CNTLN: variants seen among roughly 807,000 people sequenced by gnomAD.
CNTLN encodes the protein centlein.
CNTLN carries 212 observed loss-of-function variants against 180.0 expected under a neutral mutation model. The ratio of observed to expected loss-of-function variants is 1.18; its 90% CI spans 1.05 to 1.32. The LOEUF (loss-of-function observed/expected upper bound fraction) is 1.32, where lower values mean the gene tolerates loss of function less well. CNTLN is among the 40% of genes most tolerant of loss of function. The pLI, the probability that CNTLN is intolerant of heterozygous loss-of-function variation, is 0.00. For missense variants in CNTLN, 2,095 were observed against 1,610.9 expected (o/e 1.30, Z -5.14); for synonymous variants, 722 against 563.1 (o/e 1.28, Z -3.99).
chr9:17,421,435 C>CT (rs940511149), intron 18 of CNTLN, among the ~76,000 whole-genome samples: 3 of 151,812 alleles, frequency 2.0e-5, no homozygotes, highest in Admixed American at 6.6e-5. Context: ...TTTTCTATCC[C>CT]TTTATTTTCA....
At chr9:17,508,458 T>C (rs1362370979), downstream of CNTLN, among the ~76,000 whole-genome samples, 1 of 152,130 alleles carries the variant, frequency 6.6e-6, no homozygotes, top group Non-Finnish European at 1.5e-5. Flanking sequence ...CGTTGGAGTG[T>C]TTTTAGGACA....
chr9:17,174,269 G>C (rs184730325), intron 2 of CNTLN, among the ~76,000 whole-genome samples: 1 of 152,240 alleles, frequency 6.6e-6, no homozygotes, highest in African/African-American at 2.4e-5. Context: ...TCCAGTTTTT[G>C]ACTATTATGA....
At chr9:17,335,023 G>A (rs1820911123) in intron 10 of CNTLN, among the ~76,000 whole-genome samples, 3 of 152,108 alleles carry the variant, frequency 2.0e-5, no homozygotes, top group Admixed American at 6.6e-5. Context: ...AGCTGATGGT[G>A]TAAGTTCAAG....
At chr9:17,363,193 G>A (rs769646116) in intron 12 of CNTLN, among the ~76,000 whole-genome samples, 29 of 152,228 alleles carry the variant, frequency 1.9e-4, no homozygotes, top group African/African-American at 3.4e-4. Flanking sequence ...ATACAAGTGC[G>A]TGTGCCTTTA....
intron 5 of CNTLN, among the ~76,000 whole-genome samples, chr9:17,270,702 A>G (rs1827871048): frequency 6.6e-6 from 1 of 152,052 alleles, no homozygotes. Context: ...TTACCTTTAA[A>G]CCTTTAGGAC....
intron 2 of CNTLN, among the ~76,000 whole-genome samples, chr9:17,215,176 T>C (rs1347280548): frequency 2.0e-5 from 3 of 152,242 alleles, no homozygotes; most frequent in Admixed American, 6.5e-5. Flanking sequence ...TTCCCCATCT[T>C]TGTAGTTTTA....
At position 17,223,078 on chromosome 9, in the gene CNTLN, C is replaced by T. The variant is rs77109155; in HGVS notation, c.450-3125C>T. On this transcript the variant is annotated intron_variant, in intron 2 of 25. Coordinates refer to ENST00000380647, the MANE Select transcript of CNTLN (RefSeq NM_017738.4). ...TATGTACACTACGTTTTTTCCTACA[C>T]GGTAATAGGCAGGTTGTGTTTATAG... Among the ~76,000 whole-genome samples the T allele has an allele frequency of 1.6e-3, 236 of 152,062 alleles. 1 individual carries two copies. The highest frequency in any genetic ancestry group is 5.5e-3 in the African/African-American group (228 of 41,524).
intron 8 of CNTLN, among the ~76,000 whole-genome samples, chr9:17,312,319 T>C (rs1819186327): frequency 7.2e-6 from 1 of 139,332 alleles, no homozygotes; most frequent in Non-Finnish European, 1.6e-5. Flanking sequence ...TGGTCACAGG[T>C]AGTACTCGAT....
rs138152539 is a variant in CNTLN, at chr9:17,394,804, T to C, written c.2350T>C (p.Leu784=). 2.0e-4 allele frequency: 325 copies of C among 1,613,838 alleles called. No homozygotes were observed. In the African/African-American group the frequency reaches 3.6e-3, roughly 18 times the overall value. ...GAGACAAGTGGCAGAAGCTAATGCA[T>C]TGAGAAATGAAAATGAAGAGCTGAT... ...LRRQVAEANA[L]RNENEELINP... is the part of the protein sequence containing the mutation. Residue 784 remains leucine (L), a synonymous_variant, in exon 15 of 26, where the codon TTG becomes CTG. Transcript: ENST00000380647.
intron 16 of CNTLN, among the ~76,000 whole-genome samples, 188 bp downstream of exon 16, chr9:17,409,661 A>G (rs1416689277): frequency 1.3e-5 from 2 of 152,118 alleles, no homozygotes; most frequent in Admixed American, 1.3e-4. Context: ...TCTTTTTCAT[A>G]GACGAAAATA....
At chr9:17,479,991 A>T (rs1225141553) in intron 23 of CNTLN, among the ~76,000 whole-genome samples, 2 of 152,122 alleles carry the variant, frequency 1.3e-5, no homozygotes, top group Non-Finnish European at 2.9e-5. Flanking sequence ...CCCCTTATTC[A>T]TGTTGGTTGC....
At chr9:17,454,857 A>C (rs1488857900) in intron 18 of CNTLN, among the ~76,000 whole-genome samples, 1 of 152,198 alleles carries the variant, frequency 6.6e-6, no homozygotes, top group African/African-American at 2.4e-5. Context: ...TTTTGTTTTC[A>C]CTTGTTCTTA....
At chr9:17,414,725 T>C (rs1055949733) in intron 16 of CNTLN, among the ~76,000 whole-genome samples, 54 of 152,228 alleles carry the variant, frequency 3.5e-4, no homozygotes, top group Admixed American at 7.8e-4. Flanking sequence ...GATTGGGATC[T>C]TTTAAAAAGT....
At chr9:17,422,468 TCTC>T (rs1466020064) in intron 18 of CNTLN, among the ~76,000 whole-genome samples, 1 of 152,198 alleles carries the variant, frequency 6.6e-6, no homozygotes, top group African/African-American at 2.4e-5. Flanking sequence ...TAGTCTTTCT[TCTC>T]CTTGATCAAG....
chr9:17,526,637 G>T, the CNTLN span, among the ~76,000 whole-genome samples: 217 of 152,210 alleles, frequency 1.4e-3, 2 homozygotes, highest in Non-Finnish European at 9.1e-4. Context: ...ACTGTAATGG[G>T]AATCATTTGA....
intron 2 of CNTLN, among the ~76,000 whole-genome samples, chr9:17,157,740 C>T (rs1207747765): frequency 6.6e-6 from 1 of 152,106 alleles, no homozygotes. Context: ...GCATGCCAGA[C>T]ATGTATGTCA....
chr9:17,354,988 G>A (rs370042207), intron 12 of CNTLN, among the ~76,000 whole-genome samples: 14 of 151,630 alleles, frequency 9.2e-5, no homozygotes, highest in African/African-American at 2.2e-4. Flanking sequence ...CACTCACCGC[G>A]AAGGTCTGCA....
chr9:17,332,544 G>A (rs1820714848), intron 9 of CNTLN, 61 bp from the exon 10 acceptor site: 1 of 1,461,798 alleles, frequency 6.8e-7, no homozygotes, highest in South Asian at 1.4e-5. Flanking sequence ...CTTTAATTTT[G>A]CATGTCTTTC....
chr9:17,484,282 C>G lies in CNTLN; in HGVS notation c.3856-13C>G, dbSNP rs191426329. The stretch of plus-strand genomic sequence containing the variant: ...CTTTAATATAAGCTCAATTTCTTTC[C>G]AATATGTTACAGGCTTTGGCCAAAG... On this transcript the variant is annotated splice_polypyrimidine_tract_variant and intron_variant, in intron 23 of 25. Coordinates refer to ENST00000380647, the MANE Select transcript of CNTLN (RefSeq NM_017738.4). 6.4e-7 allele frequency: 1 copy of G among 1,561,636 alleles called. No homozygotes were observed. Among genetic ancestry groups the G allele is most frequent in the East Asian group, 2.3e-5 (1 of 43,978 alleles).
Sources: gnomAD v4.1 joint callset for allele counts (sites outside exome capture counted in the v4.1 genomes callset) on GRCh38, gnomAD v4.1.1 for gene constraint, MANE v1.5 for transcripts, NCBI Gene and HGNC (gene_info 2026-07-23, HGNC 2026-07-21) for gene names.